Variants in MACF1 observed in about 807,000 individuals in gnomAD.
The protein encoded by MACF1 is microtubule-actin cross-linking factor 1.
In MACF1, 193 loss-of-function variants were observed where a neutral mutation model predicts 854.8. The observed-to-expected ratio is 0.23, with a 90% CI of 0.20 to 0.25. The LOEUF (loss-of-function observed/expected upper bound fraction) is 0.25. Ranked by LOEUF, MACF1 falls within the 10% of genes least tolerant of loss-of-function variation. The pLI, the probability that MACF1 is intolerant of heterozygous loss-of-function variation, is 1.00. For missense variants in MACF1, 7,722 were observed against 8,929.1 expected (o/e 0.86, Z 5.45); for synonymous variants, 3,185 against 3,226.7 (o/e 0.99, Z 0.44).
At chr1:39,177,336 G>A (rs781238717) in intron 2 of MACF1, among the ~76,000 whole-genome samples, 3 of 152,108 alleles carry the variant, frequency 2.0e-5, no homozygotes, top group Non-Finnish European at 2.9e-5. Flanking sequence ...TGGTCAGGCC[G>A]GTTTCAAACT....
rs757782147 is a variant in MACF1 at position 39,387,291 on chromosome 1, G to A, written c.14449G>A (p.Ala4817Thr). Reference sequence around the variant, plus strand: ...GTTGGATGATAAACAAAGCCAGCAAGCAAAAAACTGCCCAATTTCTGCAAA... The same window carrying A: ...GTTGGATGATAAACAAAGCCAGCAAACAAAAAACTGCCCAATTTCTGCAAA... Reference protein sequence around the residue: ...TWLDDKQSQQAKNCPISAKLE... With the variant: ...TWLDDKQSQQTKNCPISAKLE... Residue 4817 changes from alanine (A) to threonine (T), a missense_variant, in exon 58 of 101, where the codon GCA (alanine) becomes ACA (threonine). Coordinates refer to ENST00000564288, the MANE Select transcript of MACF1 (RefSeq NM_001394062.1). 7.4e-6 allele frequency: 12 copies of A among 1,614,084 alleles called. No individual in the cohort carries two copies. In the African/African-American group the frequency reaches 1.3e-4, roughly 18 times the overall value.
intron 58 of MACF1, among the ~76,000 whole-genome samples, chr1:39,397,314 C>T (rs926057047): frequency 1.3e-5 from 2 of 152,168 alleles, no homozygotes; most frequent in Non-Finnish European, 2.9e-5. Flanking sequence ...GTCATCTCAG[C>T]ACTTTGGGAG....
intron 2 of MACF1, among the ~76,000 whole-genome samples, chr1:39,130,123 G>A (rs572052360): frequency 7.9e-4 from 120 of 152,120 alleles, no homozygotes; most frequent in Non-Finnish European, 1.2e-3. Context: ...ACCTGCCCCC[G>A]AAGGGGAAAA....
chr1:39,218,536 A>G (rs1376253848), intron 1 of MACF1, among the ~76,000 whole-genome samples: 3 of 151,978 alleles, frequency 2.0e-5, no homozygotes, highest in Admixed American at 6.6e-5. Flanking sequence ...CTCTCTTTGT[A>G]TTTATGAAAT....
At chr1:39,383,766 G>A (rs1650451108) in intron 56 of MACF1, among the ~76,000 whole-genome samples, 1 of 151,680 alleles carries the variant, frequency 6.6e-6, no homozygotes, top group Non-Finnish European at 1.5e-5. Flanking sequence ...AGTCCCAGCT[G>A]CTCGGGAGGC....
rs572758883 is a variant in MACF1 at position 39,336,385 on chromosome 1, T to A, written c.9797T>A (p.Val3266Asp). The A allele has an allele frequency of 1.9e-6, 3 of 1,613,964 alleles. No homozygotes were observed. The African/African-American group carries it at 4.0e-5, about 22-fold the overall frequency. ...ATAGTGACTCAGAGAGGTTCCAGAG[T>A]CTTGGGATCCTTTCTTCCAGAGAAA... ...EDIVTQRGSR[V>D]LGSFLPEKLF... is the part of the protein sequence containing the mutation. The change falls in exon 37 of 101, where the codon GTC becomes GAC. Residue 3266 changes from valine to aspartate, a missense_variant. By Grantham distance (152) the Val-to-Asp change is radical. This residue lies in a region of MACF1 where 854 missense variants were observed against 852.6 expected (regional missense o/e 1.00). Transcript: ENST00000564288.
intron 6 of MACF1, chr1:39,269,492 A>G (rs754344627): frequency 1.8e-5 from 23 of 1,289,618 alleles, no homozygotes; most frequent in South Asian, 1.7e-4. Flanking sequence ...ATGTGGGTCA[A>G]GTGCCCCCCC....
At chr1:39,337,090 C>A in intron 37 of MACF1, 92 bp from the exon 38 acceptor site, 1 of 1,257,048 alleles carries the variant, frequency 8.0e-7, no homozygotes, top group Non-Finnish European at 1.1e-6. Flanking sequence ...GTAAAAATTG[C>A]TTCTATTTGT....
chr1:39,449,005 A>G (rs1475168485), intron 84 of MACF1, among the ~76,000 whole-genome samples: 1 of 152,262 alleles, frequency 6.6e-6, no homozygotes, highest in African/African-American at 2.4e-5. Flanking sequence ...ATAATAGATC[A>G]GTAACTCAAA....
At chr1:39,132,164 T>C (rs1405126315) in intron 2 of MACF1, among the ~76,000 whole-genome samples, 1 of 152,192 alleles carries the variant, frequency 6.6e-6, no homozygotes, top group African/African-American at 2.4e-5. Flanking sequence ...ATTGAGTCCC[T>C]CCTAGCCCTG....
At chr1:39,094,990 T>C (rs1641901440) in intron 2 of MACF1, among the ~76,000 whole-genome samples, 1 of 152,176 alleles carries the variant, frequency 6.6e-6, no homozygotes, top group South Asian at 2.1e-4. Context: ...GGTGCTTCCA[T>C]GCCCTCCCTT....
intron 2 of MACF1, among the ~76,000 whole-genome samples, chr1:39,138,377 A>C (rs1643238231): frequency 6.6e-6 from 1 of 151,744 alleles, no homozygotes; most frequent in African/African-American, 2.4e-5. Context: ...AGGTCAGGAG[A>C]TCGAGACTAC....
chr1:39,483,399 A>G (rs906401322), intron 99 of MACF1, among the ~76,000 whole-genome samples: 1 of 152,154 alleles, frequency 6.6e-6, no homozygotes, highest in Non-Finnish European at 1.5e-5. Context: ...CATCCTTTCA[A>G]TAGAGCCCCT....
intron 6 of MACF1, among the ~76,000 whole-genome samples, chr1:39,268,282 C>A (rs1380536912): frequency 6.6e-6 from 1 of 152,146 alleles, no homozygotes; most frequent in African/African-American, 2.4e-5. Context: ...TTTACACTTA[C>A]ATTTTCCCTC....
At chr1:39,100,277 T>A (rs1642036061) in intron 2 of MACF1, among the ~76,000 whole-genome samples, 1 of 152,118 alleles carries the variant, frequency 6.6e-6, no homozygotes, top group African/African-American at 2.4e-5. Context: ...GGGGTGAACT[T>A]TCAAGGTAGA....
intron 20 of MACF1, 53 bp downstream of exon 20, chr1:39,295,935 GAGGTTACAAAC>G (rs1645890813): frequency 6.6e-7 from 1 of 1,512,252 alleles, no homozygotes; most frequent in Admixed American, 1.8e-5. Context: ...TGTTAAAGGT[GAGGTTACAAAC>G]ACATCTGCGT....
chr1:39,329,929 G>T (rs553163477), intron 36 of MACF1, among the ~76,000 whole-genome samples: 1 of 152,274 alleles, frequency 6.6e-6, no homozygotes, highest in African/African-American at 2.4e-5. Flanking sequence ...GTCTGACTCT[G>T]GGAGGACAAA....
At chr1:39,134,082 C>T (rs1480198917) in intron 2 of MACF1, among the ~76,000 whole-genome samples, 1 of 140,992 alleles carries the variant, frequency 7.1e-6, no homozygotes, top group Admixed American at 7.5e-5. Flanking sequence ...GCTCTGTCCG[C>T]CAGGCTAGAG....
intron 49 of MACF1, among the ~76,000 whole-genome samples, chr1:39,365,137 C>T (rs1648581418): frequency 6.6e-6 from 1 of 152,104 alleles, no homozygotes; most frequent in African/African-American, 2.4e-5. Context: ...AGTGCAGTGG[C>T]ACGATCTCAG....
Sources: gnomAD v4.1 joint callset for allele counts (sites outside exome capture counted in the v4.1 genomes callset) on GRCh38, gnomAD v4.1.1 for gene constraint, gnomAD v4.1.1 regional missense constraint, MANE v1.5 for transcripts, NCBI Gene and HGNC (gene_info 2026-07-23, HGNC 2026-07-21) for gene names.